The following SIK3 variants were observed in gnomAD, a reference collection of about 807,000 sequenced individuals.
SIK3 encodes the protein SIK family kinase 3, also known as serine/threonine-protein kinase SIK3.
Under a neutral mutation model 144.2 loss-of-function variants are expected in SIK3, and 28 were observed. The ratio of observed to expected loss-of-function variants is 0.19; its 90% CI spans 0.14 to 0.27. The LOEUF (loss-of-function observed/expected upper bound fraction) is 0.27, where lower values mean the gene tolerates loss of function less well. SIK3 is among the 10% of genes least tolerant of loss of function. SIK3 has a pLI of 1.00. For synonymous variants in SIK3, 686 were observed against 676.3 expected (o/e 1.01, Z -0.22); for missense variants, 1,319 against 1,776.0 (o/e 0.74, Z 4.62).
At chr11:117,035,703 T>C in intron 1 of SIK3, 1 of 859,250 alleles carries the variant, frequency 1.2e-6, no homozygotes, top group African/African-American at 1.7e-5. Flanking sequence ...TACAGGTGCA[T>C]GCCACCATGC....
rs78834517 is a variant in SIK3, at chr11:117,059,149, G to A, written c.273+38994C>T. 1.2e-3 allele frequency among the ~76,000 whole-genome samples: 182 copies of A among 152,282 alleles called. 1 individual carries two copies. Among genetic ancestry groups the A allele is most frequent in the African/African-American group, 3.9e-3 (163 of 41,564 alleles). On this transcript the variant is annotated intron_variant, in intron 1 of 24. Coordinates refer to ENST00000445177, the MANE Select transcript of SIK3 (RefSeq NM_001366686.3). ...CAGATTTGTAATTCCAGAAGTGGAC[G>A]TTTGGCCACAGAAATAAATTGCTAC...
At chr11:117,044,032 T>C (rs1042226157) in intron 1 of SIK3, among the ~76,000 whole-genome samples, 2 of 152,194 alleles carry the variant, frequency 1.3e-5, no homozygotes, top group Non-Finnish European at 2.9e-5. Context: ...CCTCATTCCC[T>C]GAATCGATGT....
At chr11:117,064,827 T>G (rs1591638486) in intron 1 of SIK3, among the ~76,000 whole-genome samples, 1 of 152,258 alleles carries the variant, frequency 6.6e-6, no homozygotes, top group East Asian at 1.9e-4. Flanking sequence ...ATTCTCGTGT[T>G]AGATAAAACT....
intron 3 of SIK3, among the ~76,000 whole-genome samples, chr11:116,938,276 AGAGG>A (rs1948041155): frequency 4.4e-5 from 4 of 90,220 alleles, no homozygotes; most frequent in Non-Finnish European, 8.2e-5. Flanking sequence ...AGAGGAGAGG[AGAGG>A]AGAGGAGAGG....
intron 14 of SIK3, 40 bp downstream of exon 14, chr11:116,870,291 G>A: frequency 6.2e-7 from 1 of 1,613,268 alleles, no homozygotes; most frequent in South Asian, 1.1e-5. Context: ...AGGGGAGCCT[G>A]CCCAGGGGCT....
intron 4 of SIK3, among the ~76,000 whole-genome samples, chr11:116,897,792 G>C (rs1412899823): frequency 1.3e-5 from 2 of 151,936 alleles, no homozygotes; most frequent in East Asian, 3.9e-4. Context: ...CTGAGGCAGG[G>C]GAATTGCTTG....
chr11:117,038,068 T>C (rs545341139), intron 1 of SIK3, among the ~76,000 whole-genome samples: 4 of 152,320 alleles, frequency 2.6e-5, no homozygotes, highest in African/African-American at 7.2e-5. Flanking sequence ...TAGAAACCTT[T>C]GCCAGAATCA....
chr11:116,982,226 T>TAA (rs1420046134), intron 1 of SIK3, among the ~76,000 whole-genome samples: 1 of 152,028 alleles, frequency 6.6e-6, no homozygotes, highest in Non-Finnish European at 1.5e-5. Context: ...CACTTTCCTC[T>TAA]AATCCTACAA....
At chr11:116,983,433 G>A (rs549601508) in intron 1 of SIK3, among the ~76,000 whole-genome samples, 5 of 151,414 alleles carry the variant, frequency 3.3e-5, no homozygotes, top group Admixed American at 6.6e-5. Context: ...GGGAAACTGA[G>A]GCAAGAGAAT....
intron 1 of SIK3, among the ~76,000 whole-genome samples, chr11:117,033,370 T>C (rs1226231474): frequency 1.3e-5 from 2 of 152,170 alleles, no homozygotes; most frequent in Admixed American, 6.6e-5. Context: ...ATGTTTGTTG[T>C]AGGATAAAAT....
Position 117,084,373 on chromosome 11 carries a change from T to A in SIK3, c.273+13770A>T, listed in dbSNP as rs192148982. ...TCTGCCTCCCAGGTTCAAGCAATTCTCCTGCCTCAGACCTCTCGAGTAGCT... is the reference window on the plus strand; with the variant it reads ...TCTGCCTCCCAGGTTCAAGCAATTCACCTGCCTCAGACCTCTCGAGTAGCT... On this transcript the variant is annotated intron_variant, in intron 1 of 24. Coordinates refer to ENST00000445177, the MANE Select transcript of SIK3 (RefSeq NM_001366686.3). Among the ~76,000 whole-genome samples, 168 of 152,258 alleles carry A rather than the reference T, an allele frequency of 1.1e-3. 1 individual carries two copies. Among genetic ancestry groups the A allele is most frequent in the East Asian group, 0.011 (55 of 5,180 alleles).
chr11:117,066,754 G>A lies in SIK3; in HGVS notation c.273+31389C>T, dbSNP rs961125014. Among the ~76,000 whole-genome samples, 5 of 151,882 alleles carry A rather than the reference G, an allele frequency of 3.3e-5. No homozygotes were observed. The East Asian group carries it at 5.9e-4, about 18-fold the overall frequency. ...GTCGCTTGTTGCCCAGGGTGGTCTC[G>A]AACTCCTGGCTTCAAGTGGTCCTCC... On this transcript the variant is annotated intron_variant, in intron 1 of 24. Coordinates refer to ENST00000445177, the MANE Select transcript of SIK3 (RefSeq NM_001366686.3).
At chr11:116,878,003 C>T (rs751445543) in intron 6 of SIK3, among the ~76,000 whole-genome samples, 1 of 152,168 alleles carries the variant, frequency 6.6e-6, no homozygotes, top group Non-Finnish European at 1.5e-5. Context: ...TTGTCAAGGT[C>T]ACATGGCTAT....
At chr11:116,945,320 T>G (rs146485039) in intron 3 of SIK3, among the ~76,000 whole-genome samples, 1 of 151,306 alleles carries the variant, frequency 6.6e-6, no homozygotes, top group Non-Finnish European at 1.5e-5. Context: ...AACCTTCATA[T>G]GCCCAACACA....
chr11:116,862,790 C>T, intron 16 of SIK3, among the ~76,000 whole-genome samples: 1 of 152,126 alleles, frequency 6.6e-6, no homozygotes, highest in East Asian at 1.9e-4. Context: ...GCGCAGAGTG[C>T]CAGGCGCGCA....
chr11:117,013,967 C>CTTTTTTTTTTTTTTTTTTTT (rs1951406146), intron 1 of SIK3, among the ~76,000 whole-genome samples: 8 of 7,370 alleles, frequency 1.1e-3, no homozygotes, highest in Non-Finnish European at 2.3e-3. Flanking sequence ...TTCTTTTTTT[C>CTTTTTTTTTTTTTTTTTTTT]TTTTCTTTTT....
chr11:116,962,040 T>C (rs1014484505), intron 1 of SIK3, among the ~76,000 whole-genome samples: 1 of 152,220 alleles, frequency 6.6e-6, no homozygotes, highest in African/African-American at 2.4e-5. Context: ...ACAATAATGT[T>C]CATAGTGAAT....
intron 3 of SIK3, among the ~76,000 whole-genome samples, chr11:116,951,030 T>C (rs1053246269): frequency 1.3e-5 from 2 of 152,212 alleles, no homozygotes; most frequent in Non-Finnish European, 2.9e-5. Flanking sequence ...CTCTCTCACA[T>C]GAAGGCGTAA....
chr11:116,993,001 A>G (rs1374954410), intron 1 of SIK3, among the ~76,000 whole-genome samples: 1 of 152,180 alleles, frequency 6.6e-6, no homozygotes, highest in East Asian at 1.9e-4. Context: ...GTATCTCTAA[A>G]GGACCAAATG....
Sources: gnomAD v4.1 joint callset for allele counts (sites outside exome capture counted in the v4.1 genomes callset) on GRCh38, gnomAD v4.1.1 for gene constraint, MANE v1.5 for transcripts, NCBI Gene and HGNC (gene_info 2026-07-23, HGNC 2026-07-21) for gene names.